The following PNPLA7 variants were observed in gnomAD, a reference collection of about 807,000 sequenced individuals.
PNPLA7 encodes patatin-like phospholipase domain-containing protein 7.
In PNPLA7, 153 loss-of-function variants were observed where a neutral mutation model predicts 161.7. The ratio of observed to expected loss-of-function variants is 0.95; its 90% confidence interval spans 0.83 to 1.08. PNPLA7 has a LOEUF of 1.08. PNPLA7 is among the 50% of genes least tolerant of loss of function. The pLI is 0.00. For synonymous variants in PNPLA7, 809 were observed against 782.1 expected (o/e 1.03, Z -0.57); for missense variants, 1,739 against 1,856.6 (o/e 0.94, Z 1.16).
In PNPLA7 at chr9:137,547,275, C is replaced by G. The variant is rs1193551464; in HGVS notation, c.193+34G>C. The G allele has an allele frequency of 6.3e-7, 1 of 1,595,788 alleles. No homozygotes were observed. Among genetic ancestry groups the G allele is most frequent in the Admixed American group, 1.7e-5 (1 of 59,990 alleles). ...CCAAGACACCCACGCTTTCCCCCAA[C>G]CCCCCGGGCCAGAGTCGGAACCAAG... On this transcript the variant is annotated intron_variant, in intron 3 of 34. Coordinates refer to ENST00000406427, the MANE Select transcript of PNPLA7 (RefSeq NM_001098537.3). This position sits in a 1 kb window ranked among gnomAD's most constrained non-coding sequence, Gnocchi z 4.6.
chr9:137,493,231 C>T (rs916948437), intron 19 of PNPLA7, 149 bp from the exon 20 acceptor site: 42 of 806,326 alleles, frequency 5.2e-5, no homozygotes, highest in Admixed American at 1.0e-4. Context: ...GCACATGACT[C>T]ACAAGCCACG....
At position 137,480,446 on chromosome 9, in the gene PNPLA7, G is replaced by A. The variant is rs765315071; in HGVS notation, c.2446C>T (p.Gln816Ter). The A allele has an allele frequency of 1.2e-6, 2 of 1,612,180 alleles. No individual in the cohort carries two copies. Among genetic ancestry groups the A allele is most frequent in the Non-Finnish European group, 8.5e-7 (1 of 1,179,176 alleles). Residue 816 changes from glutamine to a stop codon, truncating the protein, a stop_gained, in exon 23 of 35, where the codon CAG becomes TAG. Transcript: ENST00000406427. LOFTEE classifies it high-confidence loss of function. ...ACGATCCTGTGGGTGTCCTCCTGCT[G>A]CCCCAGCCAGCTGGACAGCCGGTAC... ...HEYRLSSWLG[Q>*]QEDTHRIVLY... is the part of the protein sequence containing the mutation.
intron 27 of PNPLA7, 40 bp from the exon 28 acceptor site, chr9:137,464,235 C>T (rs376796397): frequency 5.5e-5 from 88 of 1,611,412 alleles, no homozygotes; most frequent in African/African-American, 1.9e-4. Context: ...TCTCCCATCA[C>T]GCTCCTGTCC....
Position 137,467,328 on chromosome 9 carries a change from G to A in PNPLA7, c.3028C>T (p.Gln1010Ter). The A allele has an allele frequency of 1.2e-6, 2 of 1,613,262 alleles. No homozygotes were observed. The highest frequency in any genetic ancestry group is 1.7e-6 in the Non-Finnish European group (2 of 1,179,780). The change falls in exon 26 of 35, where the codon CAG (glutamine) becomes TAG (stop). Residue 1010 changes from glutamine (Q) to a stop codon, truncating the protein, a stop_gained. Coordinates refer to ENST00000406427, the MANE Select transcript of PNPLA7 (RefSeq NM_001098537.3). LOFTEE classifies it high-confidence loss of function. This position sits in a 1 kb window ranked among gnomAD's most constrained non-coding sequence, Gnocchi z 5.1. The stretch of plus-strand genomic sequence containing the variant: ...GGGTGCCTGCTTACCTCGGCCCACT[G>A]CTTGGCCCGGATCCGCATCTGGCTG... ...NYSQMRIRAK[Q>*]WAEGMTSLMK...
chr9:137,461,531 C>T lies in PNPLA7; in HGVS notation c.3841+5G>A, dbSNP rs1050005590. ...TCCACGGCTTCGTCTTGCGCCTCCACTCACCATCCACCATGGCGGGCTTGG... is the reference window on the plus strand; with the variant it reads ...TCCACGGCTTCGTCTTGCGCCTCCATTCACCATCCACCATGGCGGGCTTGG... On this transcript the variant is annotated splice_donor_5th_base_variant and intron_variant, in intron 33 of 34. Coordinates refer to ENST00000406427, the MANE Select transcript of PNPLA7 (RefSeq NM_001098537.3). 4.3e-6 allele frequency: 7 copies of T among 1,611,312 alleles called. No individual in the cohort carries two copies. The highest frequency in any genetic ancestry group is 5.9e-6 in the Non-Finnish European group (7 of 1,178,544).
At chr9:137,479,889 G>A (rs1832126511) in intron 23 of PNPLA7, 2 of 985,438 alleles carry the variant, frequency 2.0e-6, no homozygotes, top group Non-Finnish European at 1.2e-6. Context: ...CAGAGGCAGA[G>A]GGTAAGGCAT....
At chr9:137,526,721 T>C (rs1412733977) in intron 8 of PNPLA7, among the ~76,000 whole-genome samples, 1 of 152,254 alleles carries the variant, frequency 6.6e-6, no homozygotes, top group Non-Finnish European at 1.5e-5. Flanking sequence ...GATGCTATTA[T>C]AATTGCTGTT....
At chr9:137,497,055 G>C (rs947578051) in intron 18 of PNPLA7, 132 bp downstream of exon 18, 10 of 1,178,986 alleles carry the variant, frequency 8.5e-6, no homozygotes, top group Non-Finnish European at 8.7e-6. Flanking sequence ...CGGCTGCGGG[G>C]CATCACTACT....
chr9:137,501,858 G>T, intron 14 of PNPLA7, 131 bp from the exon 15 acceptor site: 1 of 899,582 alleles, frequency 1.1e-6, no homozygotes, highest in Non-Finnish European at 1.7e-6. Context: ...CCTCCTCCGA[G>T]GCTGTCCTCC....
In PNPLA7 at chr9:137,547,490, G is replaced by A; in HGVS notation, c.106-94C>T. 1.3e-6 allele frequency: 2 copies of A among 1,594,200 alleles called. No individual in the cohort carries two copies. The highest frequency in any genetic ancestry group is 1.7e-6 in the Non-Finnish European group (2 of 1,163,104). On this transcript the variant is annotated intron_variant, in intron 2 of 34. Coordinates refer to ENST00000406427, the MANE Select transcript of PNPLA7 (RefSeq NM_001098537.3). This position sits in a 1 kb window ranked among gnomAD's most constrained non-coding sequence, Gnocchi z 4.6. ...CCCACCCCTGGCTGCCCAACCACAG[G>A]CTGGGCAGGAATGAGCCAGGGGATG...
intron 12 of PNPLA7, among the ~76,000 whole-genome samples, chr9:137,511,806 GA>G (rs1273939205): frequency 1.3e-5 from 2 of 152,142 alleles, no homozygotes; most frequent in Non-Finnish European, 2.9e-5. Context: ...CAGAATTAGC[GA>G]AAGTATTAGA....
intron 25 of PNPLA7, among the ~76,000 whole-genome samples, chr9:137,473,364 T>C (rs1356958001): frequency 1.3e-5 from 2 of 152,074 alleles, no homozygotes; most frequent in African/African-American, 2.4e-5. Flanking sequence ...CAGGATAGAA[T>C]AGAAAATCTT....
In PNPLA7 at chr9:137,500,047, G is replaced by A. The variant is rs921341132; in HGVS notation, c.1757+644C>T. On this transcript the variant is annotated intron_variant, in intron 16 of 34. Coordinates refer to ENST00000406427, the MANE Select transcript of PNPLA7 (RefSeq NM_001098537.3). This position sits in a 1 kb window ranked among gnomAD's most constrained non-coding sequence, Gnocchi z 5.5. ...TGCCCAGTGCCGTGGATGCAAAGAC[G>A]TGGCGGCTCTGCCAGGCAGCCACAG... Among the ~76,000 whole-genome samples the A allele has an allele frequency of 4.6e-5, 7 of 152,374 alleles. No individual in the cohort carries two copies. In the East Asian group the frequency reaches 1.2e-3, roughly 25 times the overall value.
chr9:137,503,899 A>C (rs1249500175), intron 14 of PNPLA7, among the ~76,000 whole-genome samples: 24 of 121,174 alleles, frequency 2.0e-4, no homozygotes, highest in Admixed American at 4.1e-4. Context: ...GAAGAAGAAG[A>C]AGGAAGAAGA....
intron 14 of PNPLA7, 110 bp from the exon 15 acceptor site, chr9:137,501,837 C>A: frequency 9.2e-7 from 1 of 1,092,116 alleles, no homozygotes; most frequent in Non-Finnish European, 1.3e-6. Context: ...AGGCCAGAGG[C>A]CGGGCAAGGC....
At chr9:137,526,569 G>A (rs1343724589) in intron 8 of PNPLA7, among the ~76,000 whole-genome samples, 4 of 152,054 alleles carry the variant, frequency 2.6e-5, no homozygotes, top group Non-Finnish European at 4.4e-5. Context: ...GAGCCACCGC[G>A]CCTGGCCGAT....
intron 30 of PNPLA7, 171 bp from the exon 31 acceptor site, chr9:137,462,502 C>A: frequency 7.2e-7 from 1 of 1,388,698 alleles, no homozygotes; most frequent in Non-Finnish European, 9.5e-7. Context: ...CCACAGCCTT[C>A]AGGCCCGTCC....
At position 137,495,076 on chromosome 9, in the gene PNPLA7, A is replaced by C. The variant is rs765139070; in HGVS notation, c.2084T>G (p.Leu695Arg). The C allele has an allele frequency of 6.2e-7, 1 of 1,610,328 alleles. No individual in the cohort carries two copies. Among genetic ancestry groups the C allele is most frequent in the South Asian group, 1.1e-5 (1 of 91,020 alleles). The change falls in exon 19 of 35, where the codon CTG becomes CGG. Residue 695 changes from leucine to arginine, a missense_variant. Physicochemically the swap from Leu to Arg is moderately radical, Grantham distance 102. This residue lies in a region of PNPLA7 where 192 missense variants were observed against 249.5 expected (regional missense o/e 0.77). Transcript: ENST00000406427. ...HAVRDSELAK[L>R]PAGALTSIKR... is the part of the protein sequence containing the mutation. ...GATGGACGTGAGGGCTCCTGCCGGC[A>C]GCTTGGCCAATTCTGAGTCCCGAAC...
intron 25 of PNPLA7, among the ~76,000 whole-genome samples, chr9:137,474,093 G>T (rs1333105448): frequency 6.6e-6 from 1 of 152,100 alleles, no homozygotes; most frequent in Non-Finnish European, 1.5e-5. Context: ...ACAAAAATTA[G>T]CTGGGTGTGG....
Sources: allele counts gnomAD v4.1 joint callset (sites outside exome capture counted in the v4.1 genomes callset), GRCh38; gene constraint gnomAD v4.1.1; regional missense constraint gnomAD v4.1.1; non-coding constraint Gnocchi (gnomAD v3.1); transcripts MANE v1.5; gene names NCBI Gene and HGNC (gene_info 2026-07-23, HGNC 2026-07-21).